CMIP: variants seen among roughly 807,000 people sequenced by gnomAD.
CMIP encodes C-Maf-inducing protein.
In CMIP, 13 loss-of-function variants were observed where a neutral mutation model predicts 97.3. The observed-to-expected ratio is 0.13, with a 90% CI of 0.09 to 0.21. The LOEUF is 0.21. Among genes scored for constraint, CMIP ranks in the 10% least tolerant of loss-of-function variants. The probability of loss-of-function intolerance (pLI) is 1.00; values close to 1 mark genes in which losing one functional copy is unlikely to be tolerated. For missense variants in CMIP, 847 were observed against 1,024.9 expected, an observed-to-expected ratio of 0.83 and a Z score of 2.37; for synonymous variants, 538 against 436.3, an observed-to-expected ratio of 1.23 and a Z score of -2.91.
intron 3 of CMIP, among the ~76,000 whole-genome samples, chr16:81,635,318 G>A (rs1011950921): frequency 6.6e-6 from 1 of 152,056 alleles, no homozygotes; most frequent in Non-Finnish European, 1.5e-5. Context: ...GGCCCTGTCA[G>A]AAAGACCCTC....
chr16:81,656,631 C>G (rs1029577323), intron 4 of CMIP, among the ~76,000 whole-genome samples: 2 of 152,186 alleles, frequency 1.3e-5, no homozygotes, highest in Non-Finnish European at 2.9e-5. Context: ...ACCTGAAATG[C>G]TCCAAAGTCC....
chr16:81,697,934 G>T (rs1226138593), intron 14 of CMIP: 1 of 152,456 alleles, frequency 6.6e-6, no homozygotes, highest in African/African-American at 2.4e-5. Flanking sequence ...CGCGCTCTCG[G>T]TCACCTCTCG....
At chr16:81,692,589 G>A (rs906601495) in intron 11 of CMIP, among the ~76,000 whole-genome samples, 3 of 152,200 alleles carry the variant, frequency 2.0e-5, no homozygotes, top group African/African-American at 2.4e-5. Context: ...CACATTACAC[G>A]CAGTAATTGC....
At chr16:81,524,113 G>T (rs552689272) in intron 1 of CMIP, among the ~76,000 whole-genome samples, 1 of 152,342 alleles carries the variant, frequency 6.6e-6, no homozygotes, top group East Asian at 1.9e-4. Flanking sequence ...TCTGACCTGT[G>T]AGGTGCTAGG....
chr16:81,683,211 T>G (rs1034085570), intron 10 of CMIP, among the ~76,000 whole-genome samples: 3 of 152,086 alleles, frequency 2.0e-5, no homozygotes, highest in African/African-American at 7.2e-5. Flanking sequence ...GCTGTAAAGC[T>G]CAGATGGGGA....
At chr16:81,608,151 T>C (rs1296608882) in intron 2 of CMIP, among the ~76,000 whole-genome samples, 1 of 152,204 alleles carries the variant, frequency 6.6e-6, no homozygotes, top group Non-Finnish European at 1.5e-5. Flanking sequence ...AAGCTATCTT[T>C]TTGGGAAAAA....
intron 3 of CMIP, among the ~76,000 whole-genome samples, chr16:81,626,995 T>C (rs933313262): frequency 6.6e-6 from 1 of 151,010 alleles, no homozygotes; most frequent in Non-Finnish European, 1.5e-5. Context: ...TATGAATGTG[T>C]GTGTGTGTGG....
At chr16:81,562,078 G>T (rs1342168647) in intron 1 of CMIP, among the ~76,000 whole-genome samples, 1 of 152,240 alleles carries the variant, frequency 6.6e-6, no homozygotes, top group Non-Finnish European at 1.5e-5. Context: ...ATGTAAATGT[G>T]CAAGGAAGGG....
At chr16:81,461,315 C>T (rs186246037) in intron 1 of CMIP, among the ~76,000 whole-genome samples, 3 of 152,312 alleles carry the variant, frequency 2.0e-5, no homozygotes, top group Non-Finnish European at 4.4e-5. Context: ...GCCCCTTCCC[C>T]CTTTTTTTGT....
intron 1 of CMIP, among the ~76,000 whole-genome samples, chr16:81,546,636 G>C (rs74943370): frequency 9.9e-5 from 15 of 152,280 alleles, no homozygotes; most frequent in Middle Eastern, 3.4e-3. Context: ...CTGCGGCCTC[G>C]TGGAGAAAAT....
intron 2 of CMIP, among the ~76,000 whole-genome samples, chr16:81,611,179 G>A (rs1160705394): frequency 1.1e-4 from 17 of 152,224 alleles, no homozygotes; most frequent in Admixed American, 8.5e-4. Context: ...GCCACACATG[G>A]CCAAAGGCTG....
chr16:81,540,018 G>C (rs1034752707), intron 1 of CMIP, among the ~76,000 whole-genome samples: 1 of 152,204 alleles, frequency 6.6e-6, no homozygotes, highest in Non-Finnish European at 1.5e-5. Context: ...AACAAACGAT[G>C]GCAGTGAACG....
chr16:81,493,542 C>G (rs750793391), intron 1 of CMIP, among the ~76,000 whole-genome samples: 1 of 152,216 alleles, frequency 6.6e-6, no homozygotes, highest in Non-Finnish European at 1.5e-5. Flanking sequence ...GTGACGATGA[C>G]AAGGGCATCA....
At chr16:81,547,944 C>T (rs1251370829) in intron 1 of CMIP, among the ~76,000 whole-genome samples, 1 of 152,188 alleles carries the variant, frequency 6.6e-6, no homozygotes, top group African/African-American at 2.4e-5. Flanking sequence ...CCGAGCAACT[C>T]GCAGCCTCTG....
At chr16:81,492,476 G>C (rs949625094) in intron 1 of CMIP, among the ~76,000 whole-genome samples, 1 of 152,156 alleles carries the variant, frequency 6.6e-6, no homozygotes, top group African/African-American at 2.4e-5. Context: ...TGTCCCTTCT[G>C]CCCAGGCTCT....
chr16:81,705,239 T>C (rs1218211184), intron 18 of CMIP, among the ~76,000 whole-genome samples: 3 of 152,150 alleles, frequency 2.0e-5, no homozygotes, highest in African/African-American at 7.2e-5. Context: ...TTCAAAGCCC[T>C]CCTTCATGGA....
chr16:81,600,763 T>C (rs764197015), intron 1 of CMIP, among the ~76,000 whole-genome samples: 1 of 152,198 alleles, frequency 6.6e-6, no homozygotes, highest in Non-Finnish European at 1.5e-5. Flanking sequence ...CTTTGAATTT[T>C]AGAAATGCAG....
intron 16 of CMIP, 126 bp downstream of exon 16, chr16:81,701,926 C>A: frequency 8.2e-7 from 1 of 1,224,042 alleles, no homozygotes; most frequent in Non-Finnish European, 1.1e-6. Context: ...CCTCCAAACC[C>A]CAGAAATTGG....
chr16:81,580,386 C>T (rs1189699376), intron 1 of CMIP, among the ~76,000 whole-genome samples: 1 of 152,034 alleles, frequency 6.6e-6, no homozygotes, highest in East Asian at 1.9e-4. Flanking sequence ...TATGAAATTG[C>T]CCACTTAATT....
Sources: gnomAD v4.1 joint callset for allele counts (sites outside exome capture counted in the v4.1 genomes callset) on GRCh38, gnomAD v4.1.1 for gene constraint, MANE v1.5 for transcripts, NCBI Gene and HGNC (gene_info 2026-07-23, HGNC 2026-07-21) for gene names.